SLC39A11: variants seen among roughly 807,000 people sequenced by gnomAD.
SLC39A11 encodes solute carrier family 39 member 11, also known as zinc transporter ZIP11.
A neutral mutation model predicts 36.1 loss-of-function variants in SLC39A11; 33 were observed. That is an observed-to-expected ratio of 0.91 (90% confidence interval 0.69 to 1.22). The LOEUF is 1.22. Among genes scored for constraint, SLC39A11 ranks in the 50% most tolerant of loss-of-function variants. The pLI, the probability that SLC39A11 is intolerant of heterozygous loss-of-function variation, is 0.00. For synonymous variants in SLC39A11, 166 were observed against 170.3 expected, an observed-to-expected ratio of 0.97 and a Z score of 0.20; for missense variants, 432 against 430.3, an observed-to-expected ratio of 1.00 and a Z score of -0.03.
intron 7 of SLC39A11, among the ~76,000 whole-genome samples, chr17:72,653,559 C>A (rs933090500): frequency 6.6e-6 from 1 of 152,032 alleles, no homozygotes; most frequent in African/African-American, 2.4e-5. Context: ...CCTGCCTCAG[C>A]CTCCCCAGTA....
chr17:72,663,998 T>A (rs1412889439), intron 7 of SLC39A11: 3 of 155,294 alleles, frequency 1.9e-5, no homozygotes, highest in African/African-American at 7.2e-5. Context: ...CTATTGGGGA[T>A]GGTCGTCCTC....
intron 5 of SLC39A11, among the ~76,000 whole-genome samples, chr17:72,893,172 A>G (rs2081846947): frequency 6.6e-6 from 1 of 152,334 alleles, no homozygotes; most frequent in Admixed American, 6.5e-5. Flanking sequence ...ATGAAAACAT[A>G]TGGACCAGGG....
intron 7 of SLC39A11, among the ~76,000 whole-genome samples, chr17:72,672,773 T>A (rs919504803): frequency 6.6e-5 from 10 of 152,110 alleles, no homozygotes; most frequent in African/African-American, 2.4e-4. Context: ...TAATTTTTTT[T>A]ATTTTTTGGT....
intron 5 of SLC39A11, among the ~76,000 whole-genome samples, chr17:72,879,282 C>T (rs1005279709): frequency 6.6e-6 from 1 of 152,168 alleles, no homozygotes; most frequent in African/African-American, 2.4e-5. Context: ...CTAATCATGC[C>T]CTGGTCTTTC....
At chr17:72,900,612 C>A (rs1190356251) in intron 5 of SLC39A11, among the ~76,000 whole-genome samples, 1 of 151,240 alleles carries the variant, frequency 6.6e-6, no homozygotes, top group African/African-American at 2.4e-5. Flanking sequence ...TGGGTGGAGA[C>A]CTTACTGCAA....
At chr17:73,050,456 AACTG>A (rs2059456732) in intron 3 of SLC39A11, among the ~76,000 whole-genome samples, 1 of 142,782 alleles carries the variant, frequency 7.0e-6, no homozygotes, top group Non-Finnish European at 1.5e-5. Context: ...GAGCCATGTG[AACTG>A]ACTTTTTTTT....
chr17:72,912,302 C>G (rs113777105), intron 5 of SLC39A11, among the ~76,000 whole-genome samples: 77,458 of 151,402 alleles, frequency 0.51, 19,764 homozygotes, highest in African/African-American at 0.53. Context: ...GCAGTCCCCA[C>G]CAAGCAGGAG....
At chr17:73,092,332 A>G in intron 1 of SLC39A11, 1 of 152,214 alleles carries the variant, frequency 6.6e-6, no homozygotes, top group East Asian at 1.9e-4. Flanking sequence ...TTGGGTTAGG[A>G]CTGTAAAAGG....
chr17:72,828,041 C>T (rs1327096099), intron 6 of SLC39A11, among the ~76,000 whole-genome samples: 1 of 152,234 alleles, frequency 6.6e-6, no homozygotes, highest in Non-Finnish European at 1.5e-5. Context: ...CTAAAGTGGT[C>T]CCATCCACTC....
At chr17:73,062,131 G>C (rs1439257846) in intron 3 of SLC39A11, among the ~76,000 whole-genome samples, 1 of 151,976 alleles carries the variant, frequency 6.6e-6, no homozygotes, top group African/African-American at 2.4e-5. Flanking sequence ...TGAGTGCTTA[G>C]TTTGTCAAAC....
intron 2 of SLC39A11, among the ~76,000 whole-genome samples, chr17:73,086,332 A>G (rs1299324483): frequency 6.6e-6 from 1 of 151,060 alleles, no homozygotes; most frequent in African/African-American, 2.4e-5. Context: ...CTTCTATTTC[A>G]ATACAGATTT....
At position 72,849,697 on chromosome 17, in the gene SLC39A11, C is replaced by T. The variant is rs141628970; in HGVS notation, c.538G>A (p.Gly180Ser). The change falls in exon 6 of 10, where the codon GGC (glycine) becomes AGC (serine). Residue 180 changes from glycine to serine, a missense_variant. Physicochemically the swap from Gly to Ser is moderately conservative, Grantham distance 56 (BLOSUM62 0). Coordinates refer to ENST00000255559, the MANE Select transcript of SLC39A11 (RefSeq NM_139177.4). ...GCGATCCTCCTCCAGCTGCTGCCGC[C>T]GGGCTGTGCCAGATTCCCTCGAGAA... ...VPSRGNLAQPGGSSWRRIALL... is the reference protein window; with the variant it reads ...VPSRGNLAQPSGSSWRRIALL... 12 of 1,610,258 alleles carry T rather than the reference C, an allele frequency of 7.5e-6. No individual in the cohort carries two copies. The highest frequency in any genetic ancestry group is 1.6e-4 in the Middle Eastern group (1 of 6,066).
chr17:73,035,646 G>A (rs72850972), intron 3 of SLC39A11, among the ~76,000 whole-genome samples: 98,919 of 151,528 alleles, frequency 0.65, 34,625 homozygotes, highest in East Asian at 0.83. Flanking sequence ...GGTCAGAGTC[G>A]TGAGGTCAGG....
At position 72,717,008 on chromosome 17, in the gene SLC39A11, C is replaced by CATATAAAATATAT. The variant is rs1567978897; in HGVS notation, c.671+19641_671+19642insATATATTTTATAT. Among the ~76,000 whole-genome samples, 986 of 145,524 alleles carry CATATAAAATATAT rather than the reference C, an allele frequency of 6.8e-3. 10 individuals carry two copies. Among genetic ancestry groups the CATATAAAATATAT allele is most frequent in the African/African-American group, 0.024 (919 of 38,526 alleles). The stretch of plus-strand genomic sequence containing the variant: ...ATATATATATACACACACACACACA[C>CATATAAAATATAT]ACACACACACACACACATATACACA... On this transcript the variant is annotated intron_variant, in intron 7 of 9. Coordinates refer to ENST00000255559, the MANE Select transcript of SLC39A11 (RefSeq NM_139177.4).
intron 7 of SLC39A11, among the ~76,000 whole-genome samples, chr17:72,709,004 C>T (rs1027102573): frequency 2.0e-4 from 30 of 151,468 alleles, no homozygotes; most frequent in Admixed American, 9.8e-4. Flanking sequence ...GACGCGATCT[C>T]GGCTCACTAC....
At chr17:72,967,767 A>T (rs906030328) in intron 4 of SLC39A11, among the ~76,000 whole-genome samples, 1 of 152,188 alleles carries the variant, frequency 6.6e-6, no homozygotes, top group Non-Finnish European at 1.5e-5. Flanking sequence ...GCTCCAGGCC[A>T]GCAAATCAGC....
intron 6 of SLC39A11, among the ~76,000 whole-genome samples, chr17:72,765,680 A>G (rs2075734951): frequency 6.6e-6 from 1 of 152,168 alleles, no homozygotes; most frequent in South Asian, 2.1e-4. Context: ...AACACTAGCT[A>G]TATTCCCTCG....
intron 7 of SLC39A11, among the ~76,000 whole-genome samples, chr17:72,687,119 T>A (rs2071791376): frequency 6.6e-6 from 1 of 152,098 alleles, no homozygotes; most frequent in Admixed American, 6.5e-5. Context: ...CTCAAACTCC[T>A]AGGCTCAAGC....
chr17:72,877,158 C>T (rs1196970921), intron 5 of SLC39A11, among the ~76,000 whole-genome samples: 1 of 152,186 alleles, frequency 6.6e-6, no homozygotes, highest in Non-Finnish European at 1.5e-5. Context: ...ACATACACTC[C>T]CTTTTCTTTA....
Sources: gnomAD v4.1 joint callset for allele counts (sites outside exome capture counted in the v4.1 genomes callset) on GRCh38, gnomAD v4.1.1 for gene constraint, MANE v1.5 for transcripts, NCBI Gene and HGNC (gene_info 2026-07-23, HGNC 2026-07-21) for gene names.